Variants in PARD3B observed in about 807,000 individuals in gnomAD.
The protein encoded by PARD3B is par-3 family cell polarity regulator beta.
Under a neutral mutation model 130.2 loss-of-function variants are expected in PARD3B, and 103 were observed. The observed-to-expected ratio is 0.79, with a 90% CI of 0.67 to 0.93. The LOEUF (loss-of-function observed/expected upper bound fraction) is 0.93, where lower values mean the gene tolerates loss of function less well. PARD3B is among the 40% of genes least tolerant of loss of function. The pLI, the probability that PARD3B is intolerant of heterozygous loss-of-function variation, is 0.00. For missense variants in PARD3B, 1,609 were observed against 1,499.2 expected (o/e 1.07, Z -1.21); for synonymous variants, 583 against 553.2 (o/e 1.05, Z -0.76).
intron 5 of PARD3B, among the ~76,000 whole-genome samples, chr2:205,109,942 A>G (rs1359127311): frequency 1.3e-5 from 2 of 152,022 alleles, no homozygotes; most frequent in African/African-American, 2.4e-5. Flanking sequence ...ACGTGAGCCA[A>G]CGCGCCTGGC....
intron 19 of PARD3B, among the ~76,000 whole-genome samples, chr2:205,413,935 C>T (rs913468735): frequency 4.6e-5 from 7 of 152,096 alleles, no homozygotes; most frequent in Admixed American, 2.6e-4. Context: ...ATGGAAGATA[C>T]GCCTTTTTAG....
At chr2:205,536,553 C>G (rs529559533) in intron 21 of PARD3B, among the ~76,000 whole-genome samples, 32 of 152,164 alleles carry the variant, frequency 2.1e-4, no homozygotes, top group Non-Finnish European at 7.4e-5. Context: ...ATCAGTAACT[C>G]ACTTGTGGGT....
chr2:205,445,848 T>C (rs141629415), intron 20 of PARD3B, among the ~76,000 whole-genome samples: 1 of 152,346 alleles, frequency 6.6e-6, no homozygotes, highest in African/African-American at 2.4e-5. Context: ...TTATCCAAGA[T>C]GCCATTTTTT....
intron 3 of PARD3B, among the ~76,000 whole-genome samples, chr2:204,998,400 A>AAAGAAT (rs1187589988): frequency 1.4e-5 from 1 of 70,300 alleles, no homozygotes; most frequent in Non-Finnish European, 2.9e-5. Flanking sequence ...ATATATGTAT[A>AAAGAAT]TATGTGTATA....
intron 22 of PARD3B, among the ~76,000 whole-genome samples, chr2:205,561,014 T>A (rs1196494004): frequency 6.6e-6 from 1 of 152,236 alleles, no homozygotes; most frequent in South Asian, 2.1e-4. Flanking sequence ...CTCGTCTACT[T>A]ATGCCCATCA....
chr2:205,615,793 C>G lies in PARD3B; in HGVS notation c.3598C>G (p.Pro1200Ala), dbSNP rs369543440. ...YRTQDSRQKN[P>A]MTAAV is the part of the protein sequence containing the mutation. ...AACCCAGGATTCCCGGCAGAAGAAC[C>G]CCATGACTGCAGCCGTATAGCTGAG... is the stretch of plus-strand genomic sequence containing the variant. Residue 1200 changes from proline (P) to alanine (A), a missense_variant, in exon 23 of 23, where the codon CCC becomes GCC. Transcript: ENST00000406610. The G allele has an allele frequency of 9.3e-5, 150 of 1,613,480 alleles. No homozygotes were observed. The highest frequency in any genetic ancestry group is 1.1e-4 in the Non-Finnish European group (129 of 1,179,728).
chr2:205,608,191 G>T (rs2055086937), intron 22 of PARD3B, among the ~76,000 whole-genome samples: 1 of 152,146 alleles, frequency 6.6e-6, no homozygotes, highest in Admixed American at 6.5e-5. Flanking sequence ...CCTTGGGCAG[G>T]TAACTGTGTA....
Position 205,121,860 on chromosome 2 carries a change from G to A in PARD3B, c.1076G>A (p.Gly359Glu), listed in dbSNP as rs2030776488. 6.2e-7 allele frequency: 1 copy of A among 1,614,112 alleles called. No individual in the cohort carries two copies. Among genetic ancestry groups the A allele is most frequent in the Non-Finnish European group, 8.5e-7 (1 of 1,180,024 alleles). The change falls in exon 8 of 23, where the codon GGA (glycine) becomes GAA (glutamate). Residue 359 changes from glycine (G) to glutamate (E), a missense_variant. Coordinates refer to ENST00000406610, the MANE Select transcript of PARD3B (RefSeq NM_001302769.2). The surrounding 1 kb of genome is among the most constrained non-coding windows in gnomAD (Gnocchi z 5.0). ...QNKSPRVPRLGGKPSSPSLSP... is the reference protein window; with the variant it reads ...QNKSPRVPRLEGKPSSPSLSP... ...AAGAGTCCCCGAGTACCAAGGCTGG[G>A]AGGAAAACCATCCTCTCCCTCACTC...
intron 4 of PARD3B, among the ~76,000 whole-genome samples, chr2:205,087,566 T>G (rs1701813894): frequency 6.6e-6 from 1 of 152,204 alleles, no homozygotes; most frequent in Non-Finnish European, 1.5e-5. Flanking sequence ...GTCTACATTT[T>G]ATAAAACCTG....
intron 2 of PARD3B, among the ~76,000 whole-genome samples, chr2:204,889,195 T>G (rs887181692): frequency 5.9e-5 from 9 of 152,226 alleles, no homozygotes; most frequent in African/African-American, 2.2e-4. Context: ...AGTCCAGCTC[T>G]GAGCACATCA....
chr2:204,667,597 C>T (rs976522431), intron 1 of PARD3B, among the ~76,000 whole-genome samples: 6 of 152,088 alleles, frequency 3.9e-5, no homozygotes, highest in Admixed American at 3.3e-4. Context: ...GTCACTCATG[C>T]TTTCTTCTTT....
chr2:204,961,057 G>A (rs1159070779), intron 2 of PARD3B, among the ~76,000 whole-genome samples: 2 of 152,152 alleles, frequency 1.3e-5, no homozygotes, highest in African/African-American at 2.4e-5. Flanking sequence ...CTGAGAACAA[G>A]GGGCGGGATC....
chr2:204,806,311 A>G (rs188470391), intron 2 of PARD3B, among the ~76,000 whole-genome samples: 3 of 152,330 alleles, frequency 2.0e-5, no homozygotes, highest in Admixed American at 1.3e-4. Context: ...AATGGAACAG[A>G]ATAGGGAACC....
At chr2:204,986,704 A>T (rs910191720) in intron 3 of PARD3B, among the ~76,000 whole-genome samples, 1 of 152,180 alleles carries the variant, frequency 6.6e-6, no homozygotes, top group Non-Finnish European at 1.5e-5. Flanking sequence ...AAAAATTCCT[A>T]ATGTGATAGC....
chr2:204,948,459 T>C (rs1689507628), intron 2 of PARD3B, among the ~76,000 whole-genome samples: 1 of 152,224 alleles, frequency 6.6e-6, no homozygotes, highest in South Asian at 2.1e-4. Flanking sequence ...ATTTGCATGT[T>C]ACATGGAGCA....
chr2:205,332,493 G>A (rs1185205959), intron 18 of PARD3B, among the ~76,000 whole-genome samples: 1 of 152,116 alleles, frequency 6.6e-6, no homozygotes, highest in African/African-American at 2.4e-5. Context: ...CTGGAGAGAG[G>A]AAAGAGAAAC....
rs115872535 is a variant in PARD3B, at chr2:205,218,278, A to G, written c.2140+24958A>G. On this transcript the variant is annotated intron_variant, in intron 15 of 22. Coordinates refer to ENST00000406610, the MANE Select transcript of PARD3B (RefSeq NM_001302769.2). The stretch of plus-strand genomic sequence containing the variant: ...GGTTTTATTTTTCTTATGAGTCACT[A>G]TAGGCACAAGGCCTAGAGCCTATAA... Among the ~76,000 whole-genome samples the G allele has an allele frequency of 3.7e-3, 568 of 152,258 alleles. 5 individuals carry two copies. The highest frequency in any genetic ancestry group is 0.013 in the African/African-American group (528 of 41,538).
In PARD3B at chr2:205,054,404, T is replaced by TTATA. The variant is rs1298451651; in HGVS notation, c.504+6744_504+6747dup. ...TAACAAGGTAACCATGACATGTCTT[T>TTATA]TATATATATATATATATATATATAT... On this transcript the variant is annotated intron_variant, in intron 4 of 22. Coordinates refer to ENST00000406610, the MANE Select transcript of PARD3B (RefSeq NM_001302769.2). Among the ~76,000 whole-genome samples the TTATA allele has an allele frequency of 6.2e-4, 21 of 33,832 alleles. 1 individual carries two copies. The highest frequency in any genetic ancestry group is 1.8e-3 in the African/African-American group (20 of 11,178). 22.2% of individuals were successfully genotyped at this position (33,832 alleles called of 152,430 possible).
intron 2 of PARD3B, among the ~76,000 whole-genome samples, chr2:204,841,229 T>A (rs1225758344): frequency 2.6e-5 from 4 of 151,982 alleles, no homozygotes. Context: ...GCCGGAGAGG[T>A]TACTAGTGCA....
Sources: allele counts gnomAD v4.1 joint callset (sites outside exome capture counted in the v4.1 genomes callset), GRCh38; gene constraint gnomAD v4.1.1; non-coding constraint Gnocchi (gnomAD v3.1); transcripts MANE v1.5; gene names NCBI Gene and HGNC (gene_info 2026-07-23, HGNC 2026-07-21).